NSUN7: variants seen among roughly 807,000 people sequenced by gnomAD.
The protein encoded by NSUN7 is NOP2/Sun RNA methyltransferase family member 7.
Under a neutral mutation model 58.5 loss-of-function variants are expected in NSUN7, and 39 were observed. The ratio of observed to expected loss-of-function variants is 0.67; its 90% CI spans 0.52 to 0.87. The LOEUF (loss-of-function observed/expected upper bound fraction) is 0.87, where lower values mean the gene tolerates loss of function less well. NSUN7 is among the 40% of genes least tolerant of loss of function. NSUN7 has a pLI of 0.00. For missense variants in NSUN7, 765 were observed against 844.1 expected (o/e 0.91, Z 1.16); for synonymous variants, 278 against 303.7 (o/e 0.92, Z 0.88).
At chr4:40,796,240 G>A (rs1743321481) in intron 9 of NSUN7, among the ~76,000 whole-genome samples, 1 of 152,188 alleles carries the variant, frequency 6.6e-6, no homozygotes. Flanking sequence ...TGTAGTCCCA[G>A]CTACTTGGGA....
chr4:40,799,693 T>G (rs1743496748), intron 10 of NSUN7, among the ~76,000 whole-genome samples: 1 of 152,156 alleles, frequency 6.6e-6, no homozygotes, highest in Non-Finnish European at 1.5e-5. Context: ...AACTACTTGT[T>G]GGGGATGCTG....
chr4:40,785,923 G>T (rs190516287), intron 7 of NSUN7, among the ~76,000 whole-genome samples: 10 of 152,344 alleles, frequency 6.6e-5, no homozygotes, highest in African/African-American at 2.4e-4. Context: ...CCAGTCCTCC[G>T]CCATCGCCCA....
chr4:40,757,588 CACATTGTGTGTATATATAT>C (rs1560544875), intron 2 of NSUN7, among the ~76,000 whole-genome samples: 4 of 141,468 alleles, frequency 2.8e-5, no homozygotes, highest in East Asian at 2.0e-4. Context: ...TATATATATA[CACATTGTGTGTATATATAT>C]ACATTGTGTG....
At chr4:40,776,499 A>G (rs1742275725) in intron 7 of NSUN7, 1 of 299,140 alleles carries the variant, frequency 3.3e-6, no homozygotes, top group Non-Finnish European at 6.1e-6. Context: ...AGCTCACATA[A>G]TTTGAGGCTC....
intron 10 of NSUN7, among the ~76,000 whole-genome samples, chr4:40,803,637 AT>A (rs1226307466): frequency 6.6e-6 from 1 of 152,194 alleles, no homozygotes; most frequent in Non-Finnish European, 1.5e-5. Context: ...TTGAGATGTA[AT>A]TCACATACTA....
At chr4:40,764,924 G>A (rs1429039408) in intron 4 of NSUN7, among the ~76,000 whole-genome samples, 1 of 151,732 alleles carries the variant, frequency 6.6e-6, no homozygotes, top group African/African-American at 2.4e-5. Flanking sequence ...TTTTGATGGG[G>A]TTGTTTGTTT....
Position 40,808,630 on chromosome 4 carries a change from T to C in NSUN7, c.1848T>C (p.Pro616=), listed in dbSNP as rs968933636. The C allele has an allele frequency of 1.3e-6, 2 of 1,551,740 alleles. No homozygotes were observed. Among genetic ancestry groups the C allele is most frequent in the African/African-American group, 2.7e-5 (2 of 72,972 alleles). The stretch of plus-strand genomic sequence containing the variant: ...AGCTGGCCCCCCATCCTGCAGTGCC[T>C]GCATTTGTGAAGAACACTTGTCCCT... The part of the protein sequence containing the change: ...PNKLAPHPAV[P]AFVKNTCPSR... Residue 616 remains proline (P), a synonymous_variant, in exon 12 of 12, where the codon CCT becomes CCC. Transcript: ENST00000381782.
rs2465579 is a variant in NSUN7 at position 40,805,052 on chromosome 4, C to T, written c.1401-2009C>T. On this transcript the variant is annotated intron_variant, in intron 10 of 11. Transcript: ENST00000381782. Reference sequence around the variant, plus strand: ...GCCTTAATAGTGTTATCCACGGCAGCGAGCTCACTTCTCTGTCCTCTTGTT... The same window carrying T: ...GCCTTAATAGTGTTATCCACGGCAGTGAGCTCACTTCTCTGTCCTCTTGTT... Among the ~76,000 whole-genome samples, 599 of 152,264 alleles carry T rather than the reference C, an allele frequency of 3.9e-3. 3 individuals are homozygous for T. The highest frequency in any genetic ancestry group is 0.014 in the African/African-American group (572 of 41,550).
chr4:40,801,769 G>T (rs1381035139), intron 10 of NSUN7, among the ~76,000 whole-genome samples: 1 of 152,018 alleles, frequency 6.6e-6, no homozygotes, highest in East Asian at 1.9e-4. Context: ...TGTGGTGGTG[G>T]TGTACTCCTG....
rs1740788513 is a variant in NSUN7 at position 40,750,830 on chromosome 4, T to C, written c.137T>C (p.Val46Ala). ...VPEKTGYPDS[V>A]YVMAANIFQG... ...GAAAAAACGGGCTATCCGGACTCCG[T>C]TTATGTCATGGCAGCCAACATTTTT... The change falls in exon 2 of 12, where the codon GTT becomes GCT. Residue 46 changes from valine (V) to alanine (A), a missense_variant. Transcript: ENST00000381782. 3.7e-6 allele frequency: 6 copies of C among 1,614,120 alleles called. No homozygotes were observed. Among genetic ancestry groups the C allele is most frequent in the Non-Finnish European group, 4.2e-6 (5 of 1,180,004 alleles).
rs144128106 is a variant in NSUN7, at chr4:40,774,283, T to C, written c.507T>C (p.Ala169=). 2.5e-4 allele frequency: 396 copies of C among 1,614,120 alleles called. No homozygotes were observed. In the African/African-American group the frequency reaches 4.9e-3, roughly 20 times the overall value. ...NLLNSFKIKL[A]AALARCRIKH... is the part of the protein sequence containing the mutation. ...TCTCTAGTTTTAAGATAAAATTGGC[T>C]GCAGCATTGGCAAGATGTCGAATCA... The change falls in exon 5 of 12, where the codon GCT becomes GCC. Residue 169 remains alanine, a synonymous_variant. Coordinates refer to ENST00000381782, the MANE Select transcript of NSUN7 (RefSeq NM_024677.6).
At chr4:40,782,649 C>G (rs1212370136) in intron 7 of NSUN7, among the ~76,000 whole-genome samples, 1 of 151,942 alleles carries the variant, frequency 6.6e-6, no homozygotes, top group African/African-American at 2.4e-5. Context: ...GTGGGAGGCT[C>G]ACTTGAGGCC....
intron 9 of NSUN7, among the ~76,000 whole-genome samples, chr4:40,795,748 T>C (rs914059997): frequency 6.6e-6 from 1 of 152,208 alleles, no homozygotes; most frequent in African/African-American, 2.4e-5. Context: ...AAAAGCCCGA[T>C]TTGAAGTCAA....
At chr4:40,761,505 G>A (rs1214412455) in intron 4 of NSUN7, among the ~76,000 whole-genome samples, 1 of 152,082 alleles carries the variant, frequency 6.6e-6, no homozygotes, top group East Asian at 1.9e-4. Flanking sequence ...TTCAAAGCTT[G>A]AATTACAAGA....
intron 7 of NSUN7, among the ~76,000 whole-genome samples, chr4:40,777,075 ATT>A (rs1742305113): frequency 6.6e-6 from 1 of 152,216 alleles, no homozygotes; most frequent in Non-Finnish European, 1.5e-5. Flanking sequence ...GGAATTCAGG[ATT>A]TGACCAGGAG....
chr4:40,783,030 C>G (rs1215202190), intron 7 of NSUN7, among the ~76,000 whole-genome samples: 1 of 152,062 alleles, frequency 6.6e-6, no homozygotes, highest in Non-Finnish European at 1.5e-5. Flanking sequence ...TCCTAAAATT[C>G]ACATGGAAAT....
At chr4:40,800,343 CT>C (rs752170347) in intron 10 of NSUN7, among the ~76,000 whole-genome samples, 360 of 145,136 alleles carry the variant, frequency 2.5e-3, no homozygotes, top group Middle Eastern at 7.1e-3. Context: ...AATCCTTAAA[CT>C]TTTTTTTTTT....
intron 10 of NSUN7, 52 bp downstream of exon 10, chr4:40,798,956 G>A: frequency 3.4e-6 from 3 of 870,848 alleles, no homozygotes; most frequent in Non-Finnish European, 5.3e-6. Flanking sequence ...TTTTTTAAAA[G>A]GAAAAATATT....
chr4:40,803,221 A>G (rs1016874803), intron 10 of NSUN7, among the ~76,000 whole-genome samples: 1 of 152,000 alleles, frequency 6.6e-6, no homozygotes, highest in African/African-American at 2.4e-5. Flanking sequence ...AGTCTTTGCT[A>G]TTGTGACTAG....
Sources: allele counts gnomAD v4.1 joint callset (sites outside exome capture counted in the v4.1 genomes callset), GRCh38; gene constraint gnomAD v4.1.1; transcripts MANE v1.5; gene names NCBI Gene and HGNC (gene_info 2026-07-23, HGNC 2026-07-21).